Variants in SOX5 observed in about 807,000 individuals in gnomAD.
SOX5 encodes SRY-box transcription factor 5.
SOX5 carries 9 observed loss-of-function variants against 92.0 expected under a neutral mutation model. The ratio of observed to expected loss-of-function variants is 0.10; its 90% CI spans 0.06 to 0.17. SOX5 has a LOEUF of 0.17. SOX5 is among the 10% of genes least tolerant of loss of function. The pLI, the probability that SOX5 is intolerant of heterozygous loss-of-function variation, is 1.00. For missense variants in SOX5, 642 were observed against 944.5 expected (o/e 0.68, Z 4.20); for synonymous variants, 344 against 336.3 (o/e 1.02, Z -0.25).
chr12:23,561,093 G>A (rs1946119569), intron 11 of SOX5, among the ~76,000 whole-genome samples: 1 of 152,182 alleles, frequency 6.6e-6, no homozygotes, highest in Non-Finnish European at 1.5e-5. Flanking sequence ...AGAGATTCAG[G>A]AATGATGATC....
At chr12:24,379,959 C>T (rs1957665495) in intron 1 of SOX5, among the ~76,000 whole-genome samples, 1 of 150,592 alleles carries the variant, frequency 6.6e-6, no homozygotes, top group African/African-American at 2.4e-5. Flanking sequence ...AGGGAAAACC[C>T]TCTGGGCTTG....
chr12:24,340,737 G>C (rs1315038804), intron 2 of SOX5, among the ~76,000 whole-genome samples: 2 of 152,212 alleles, frequency 1.3e-5, no homozygotes, highest in African/African-American at 4.8e-5. Flanking sequence ...GAAAAGCAGA[G>C]TCCTTTGATT....
At chr12:23,861,434 T>A (rs1399206943) in intron 2 of SOX5, among the ~76,000 whole-genome samples, 2 of 152,148 alleles carry the variant, frequency 1.3e-5, no homozygotes, top group African/African-American at 4.8e-5. Flanking sequence ...TAAAATTGCA[T>A]TTAAGTTATA....
chr12:23,586,483 A>T (rs1464464549), intron 9 of SOX5, among the ~76,000 whole-genome samples: 2 of 151,806 alleles, frequency 1.3e-5, no homozygotes, highest in African/African-American at 4.8e-5. Flanking sequence ...TTTTACGGGG[A>T]AAAAAAAATT....
chr12:24,189,362 T>A (rs1389237393), intron 4 of SOX5, among the ~76,000 whole-genome samples: 1 of 152,240 alleles, frequency 6.6e-6, no homozygotes, highest in Non-Finnish European at 1.5e-5. Flanking sequence ...ATAAGAGGGC[T>A]CTTTCTCATA....
At chr12:24,374,510 CACACAT>C (rs1172692144) in intron 1 of SOX5, among the ~76,000 whole-genome samples, 5 of 140,132 alleles carry the variant, frequency 3.6e-5, no homozygotes, top group Admixed American at 2.1e-4. Flanking sequence ...CACACACACA[CACACAT>C]ACACACACAC....
In SOX5 at chr12:24,343,829, T is replaced by C. The variant is rs796176199; in HGVS notation, c.-174+24734A>G. On this transcript the variant is annotated intron_variant, in intron 2 of 4. Transcript: ENST00000446891. ...GTAGGAAGTGAAGAAAGGTATTTGGTGAGGACAGGAGAAGCAATGCTGTAG... is the reference window on the plus strand; with the variant it reads ...GTAGGAAGTGAAGAAAGGTATTTGGCGAGGACAGGAGAAGCAATGCTGTAG... Among the ~76,000 whole-genome samples the C allele has an allele frequency of 2.0e-5, 3 of 152,188 alleles. No individual in the cohort carries two copies. In the South Asian group the frequency reaches 6.2e-4, roughly 32 times the overall value.
chr12:24,032,698 G>A (rs546723436), intron 4 of SOX5, among the ~76,000 whole-genome samples: 5 of 151,724 alleles, frequency 3.3e-5, no homozygotes, highest in African/African-American at 9.7e-5. Flanking sequence ...TACTAAACTC[G>A]GTGGGAAATA....
rs150185394 is a variant in SOX5, at chr12:24,338,498, A to T, written c.-174+30065T>A. Among the ~76,000 whole-genome samples, 130 of 152,342 alleles carry T rather than the reference A, an allele frequency of 8.5e-4. 1 individual carries two copies. In the South Asian group the frequency reaches 8.9e-3, roughly 10 times the overall value. Reference sequence around the variant, plus strand: ...CTTTTTGGACCTGTAATTAGGAAATAAAGTTGATATTTAATGCTTGTAATG... The same window carrying T: ...CTTTTTGGACCTGTAATTAGGAAATTAAGTTGATATTTAATGCTTGTAATG... On this transcript the variant is annotated intron_variant, in intron 2 of 4. Transcript: ENST00000446891.
intron 4 of SOX5, among the ~76,000 whole-genome samples, chr12:23,996,044 T>TA (rs1951002940): frequency 6.6e-6 from 1 of 152,182 alleles, no homozygotes; most frequent in Admixed American, 6.5e-5. Flanking sequence ...TTAATAAGGA[T>TA]AGGACTGCAT....
intron 8 of SOX5, among the ~76,000 whole-genome samples, chr12:23,618,633 T>A (rs2076838337): frequency 6.6e-6 from 1 of 152,190 alleles, no homozygotes; most frequent in Non-Finnish European, 1.5e-5. Flanking sequence ...TGCTAGAAGC[T>A]TGCATACTAT....
Position 23,895,879 on chromosome 12 carries a change from G to A in SOX5, c.184C>T (p.Pro62Ser), listed in dbSNP as rs988026384. Residue 62 changes from proline (P) to serine (S), a missense_variant, in exon 2 of 15, where the codon CCT becomes TCT. Transcript: ENST00000451604. The stretch of plus-strand genomic sequence containing the variant: ...ACTGGCTGAAATTCCTCAGAGTGAG[G>A]CTTGTTGGGAAAACTCACATGCAAG... ...LPLHVSFPNK[P>S]HSEEFQPVSL... 2.5e-6 allele frequency: 4 copies of A among 1,614,070 alleles called. No homozygotes were observed. Among genetic ancestry groups the A allele is most frequent in the Non-Finnish European group, 3.4e-6 (4 of 1,179,950 alleles).
At chr12:23,750,436 A>G (rs1374308802) in intron 4 of SOX5, among the ~76,000 whole-genome samples, 1 of 151,916 alleles carries the variant, frequency 6.6e-6, no homozygotes, top group Non-Finnish European at 1.5e-5. Context: ...GAATCAGTCC[A>G]CATAACATCA....
chr12:23,801,094 G>C (rs767082372), intron 3 of SOX5, among the ~76,000 whole-genome samples: 1 of 152,094 alleles, frequency 6.6e-6, no homozygotes, highest in African/African-American at 2.4e-5. Flanking sequence ...GCCATACTAC[G>C]AATAGGAAGT....
At chr12:24,339,163 C>CCCCACACACACACACA (rs141671017) in intron 2 of SOX5, among the ~76,000 whole-genome samples, 1,973 of 140,444 alleles carry the variant, frequency 0.014, 33 homozygotes, top group Non-Finnish European at 0.02. Flanking sequence ...TCTCTCTCTG[C>CCCCACACACACACACA]CACACACACA....
intron 4 of SOX5, among the ~76,000 whole-genome samples, chr12:24,194,909 T>C (rs1309299675): frequency 2.0e-5 from 3 of 152,178 alleles, no homozygotes; most frequent in Non-Finnish European, 4.4e-5. Flanking sequence ...AATTATCTTT[T>C]GGAAATCCCT....
chr12:24,299,429 A>AT (rs931309446), intron 2 of SOX5, among the ~76,000 whole-genome samples: 470 of 150,060 alleles, frequency 3.1e-3, no homozygotes, highest in African/African-American at 7.4e-3. Context: ...TATTTTAAGT[A>AT]TTTTTTTTTT....
chr12:24,185,669 C>T (rs1955943447), intron 4 of SOX5, among the ~76,000 whole-genome samples: 1 of 152,084 alleles, frequency 6.6e-6, no homozygotes, highest in Non-Finnish European at 1.5e-5. Flanking sequence ...CTTTTCTGTT[C>T]CATAATTTCC....
At chr12:24,472,429 A>G (rs1944914735) in intron 1 of SOX5, among the ~76,000 whole-genome samples, 1 of 152,188 alleles carries the variant, frequency 6.6e-6, no homozygotes, top group South Asian at 2.1e-4. Flanking sequence ...TTACAGACAA[A>G]TCATTCCTTC....
Sources: gnomAD v4.1 joint callset for allele counts (sites outside exome capture counted in the v4.1 genomes callset) on GRCh38, gnomAD v4.1.1 for gene constraint, MANE v1.5 for transcripts, NCBI Gene and HGNC (gene_info 2026-07-23, HGNC 2026-07-21) for gene names.